The following ATE1 variants were observed in gnomAD, a reference collection of about 807,000 sequenced individuals.
The protein encoded by ATE1 is arginyl-tRNA--protein transferase 1.
Under a neutral mutation model 70.5 loss-of-function variants are expected in ATE1, and 36 were observed. The observed-to-expected ratio is 0.51, with a 90% CI of 0.39 to 0.67. The LOEUF is 0.67. Ranked by LOEUF, ATE1 falls within the 30% of genes least tolerant of loss-of-function variation. The pLI is 0.00. For synonymous variants in ATE1, 232 were observed against 219.3 expected (o/e 1.06, Z -0.51); for missense variants, 593 against 629.5 (o/e 0.94, Z 0.62).
intron 4 of ATE1, among the ~76,000 whole-genome samples, chr10:121,912,395 T>C (rs2134450600): frequency 6.6e-6 from 1 of 151,180 alleles, no homozygotes; most frequent in African/African-American, 2.4e-5. Context: ...CTCACACCTG[T>C]AATCCCAGCA....
intron 11 of ATE1, among the ~76,000 whole-genome samples, chr10:121,756,665 G>A (rs901884208): frequency 6.6e-6 from 1 of 152,196 alleles, no homozygotes; most frequent in South Asian, 2.1e-4. Context: ...CCAAGGCTTG[G>A]GGCTTCTACC....
intron 10 of ATE1, among the ~76,000 whole-genome samples, chr10:121,812,064 T>C (rs895029491): frequency 6.9e-6 from 1 of 145,084 alleles, no homozygotes; most frequent in African/African-American, 2.5e-5. Flanking sequence ...CAAGTGATCC[T>C]CCTGCCTTAG....
chr10:121,911,600 A>G (rs1951435016), intron 4 of ATE1, among the ~76,000 whole-genome samples: 1 of 152,156 alleles, frequency 6.6e-6, no homozygotes, highest in South Asian at 2.1e-4. Flanking sequence ...GCGACCCTGA[A>G]CTTCTACCCT....
At chr10:121,873,598 GGGGTA>G (rs1400002085) in intron 7 of ATE1, among the ~76,000 whole-genome samples, 4 of 151,654 alleles carry the variant, frequency 2.6e-5, no homozygotes, top group Non-Finnish European at 5.9e-5. Context: ...TCTAAGTATA[GGGGTA>G]GGGGGAATAA....
At chr10:121,798,028 G>T (rs1002037103) in intron 10 of ATE1, among the ~76,000 whole-genome samples, 3 of 152,142 alleles carry the variant, frequency 2.0e-5, no homozygotes, top group African/African-American at 7.2e-5. Context: ...AATGAACAAC[G>T]ACCATAGTAC....
chr10:121,741,419 A>G lies in ATE1; in HGVS notation c.*2261T>C, dbSNP rs1944143526. Reference sequence around the variant, plus strand: ...GAGTCTTTGCTGGTGTCAACCTACAATGCCACCCTCAAGGAAAGCACAGTG... The same window carrying G: ...GAGTCTTTGCTGGTGTCAACCTACAGTGCCACCCTCAAGGAAAGCACAGTG... On this transcript the variant is annotated 3_prime_UTR_variant, in exon 12 of 12. Transcript: ENST00000224652. 6.6e-6 allele frequency: 1 copy of G among 152,220 alleles called. No individual in the cohort carries two copies. The highest frequency in any genetic ancestry group is 1.5e-5 in the Non-Finnish European group (1 of 68,044). The allele number at this position is 152,220 out of a possible 1,614,324, so 9.4% of individuals were successfully genotyped here. A position where few individuals can be genotyped will look rare whatever the true frequency, so the allele number is the denominator to read the frequency against.
chr10:121,818,723 A>T (rs1476780972), intron 10 of ATE1, among the ~76,000 whole-genome samples: 5 of 152,252 alleles, frequency 3.3e-5, no homozygotes, highest in African/African-American at 1.2e-4. Context: ...TTTAAGATCT[A>T]CTTACAGAAT....
intron 7 of ATE1, among the ~76,000 whole-genome samples, chr10:121,876,883 G>T (rs1048531835): frequency 1.3e-5 from 2 of 151,540 alleles, no homozygotes; most frequent in South Asian, 4.2e-4. Flanking sequence ...GGAGAATGGC[G>T]GGAACCCGGG....
intron 8 of ATE1, among the ~76,000 whole-genome samples, chr10:121,844,122 G>A (rs538845008): frequency 6.6e-6 from 1 of 152,174 alleles, no homozygotes; most frequent in South Asian, 2.1e-4. Context: ...GCAAAATATT[G>A]GGTGTCATGG....
intron 10 of ATE1, among the ~76,000 whole-genome samples, chr10:121,808,489 TC>T (rs1446111676): frequency 2.6e-5 from 4 of 152,178 alleles, no homozygotes; most frequent in African/African-American, 9.7e-5. Context: ...GTGATTTAAC[TC>T]TTCAGTGGCA....
chr10:121,842,706 A>G (rs1298739613), intron 8 of ATE1, among the ~76,000 whole-genome samples: 1 of 152,212 alleles, frequency 6.6e-6, no homozygotes, highest in Non-Finnish European at 1.5e-5. Context: ...CAATTAATGA[A>G]CAATCAATGT....
intron 8 of ATE1, among the ~76,000 whole-genome samples, chr10:121,866,436 G>A (rs768825329): frequency 2.0e-5 from 3 of 152,170 alleles, no homozygotes; most frequent in Non-Finnish European, 4.4e-5. Flanking sequence ...AATGATGAAA[G>A]CAGACAGAAA....
At chr10:121,815,541 T>G (rs1947507262) in intron 10 of ATE1, among the ~76,000 whole-genome samples, 1 of 152,170 alleles carries the variant, frequency 6.6e-6, no homozygotes, top group Non-Finnish European at 1.5e-5. Context: ...TAAATTGACA[T>G]AAAGGTCACA....
At chr10:121,792,017 A>C (rs1357180462) in intron 10 of ATE1, among the ~76,000 whole-genome samples, 1 of 152,248 alleles carries the variant, frequency 6.6e-6, no homozygotes, top group Non-Finnish European at 1.5e-5. Flanking sequence ...AAGCATTCAG[A>C]AGTCTGGAAG....
rs200562528 is a variant in ATE1 at position 121,743,839 on chromosome 10, C to T, written c.1398G>A (p.Thr466=). 1.2e-5 allele frequency: 19 copies of T among 1,610,940 alleles called. No individual in the cohort carries two copies. Among genetic ancestry groups the T allele is most frequent in the Admixed American group, 6.7e-5 (4 of 59,354 alleles). ...GAAACACCTGCAATCGGTCAGGTTC[C>T]GTACTGCGATCCTCATCCACTGCAA... The part of the protein sequence containing the change: ...DPEAVDEDRS[T]EPDRLQVFHK... The change falls in exon 12 of 12, where the codon ACG becomes ACA. Residue 466 remains threonine, a synonymous_variant. Transcript: ENST00000224652.
At position 121,878,258 on chromosome 10, in the gene ATE1, TTC is replaced by T. The variant is rs532073091; in HGVS notation, c.943-8222_943-8221del. 6.9e-4 allele frequency among the ~76,000 whole-genome samples: 105 copies of T among 152,250 alleles called. 1 individual carries two copies. The highest frequency in any genetic ancestry group is 1.9e-3 in the African/African-American group (80 of 41,552). Reference sequence around the variant, plus strand: ...GGAGCCTTCTAGCATGCTGAAAATGTTCTCTCTTAATCCGAGCAGTGACTATA... The same window carrying T: ...GGAGCCTTCTAGCATGCTGAAAATGTTCTCTTAATCCGAGCAGTGACTATA... On this transcript the variant is annotated intron_variant, in intron 7 of 11. Transcript: ENST00000224652.
At chr10:121,748,408 T>A (rs1231930548) in intron 11 of ATE1, among the ~76,000 whole-genome samples, 1 of 152,204 alleles carries the variant, frequency 6.6e-6, no homozygotes, top group East Asian at 1.9e-4. Flanking sequence ...GTTTCATTTG[T>A]CAAAATATAG....
At chr10:121,838,864 A>T (rs1948526597) in intron 9 of ATE1, among the ~76,000 whole-genome samples, 1 of 152,310 alleles carries the variant, frequency 6.6e-6, no homozygotes, top group African/African-American at 2.4e-5. Context: ...TTAAAAAAAT[A>T]AAAAAATAAA....
At chr10:121,817,861 C>T (rs1482466084) in intron 10 of ATE1, among the ~76,000 whole-genome samples, 1 of 151,998 alleles carries the variant, frequency 6.6e-6, no homozygotes, top group Non-Finnish European at 1.5e-5. Context: ...TGGTTCCAAC[C>T]CTAGGGCACT....
Sources: allele counts gnomAD v4.1 joint callset (sites outside exome capture counted in the v4.1 genomes callset), GRCh38; gene constraint gnomAD v4.1.1; transcripts MANE v1.5; gene names NCBI Gene and HGNC (gene_info 2026-07-23, HGNC 2026-07-21).